The following STXBP4 variants were observed in gnomAD, a reference collection of about 807,000 sequenced individuals.
The protein encoded by STXBP4 is syntaxin binding protein 4, also known as syntaxin-binding protein 4.
In STXBP4, 55 loss-of-function variants were observed where a neutral mutation model predicts 76.1. The ratio of observed to expected loss-of-function variants is 0.72; its 90% confidence interval spans 0.58 to 0.91. The LOEUF is 0.91. Ranked by LOEUF, STXBP4 falls within the 40% of genes least tolerant of loss-of-function variation. STXBP4 has a pLI of 0.00. For synonymous variants in STXBP4, 201 were observed against 220.2 expected (o/e 0.91, Z 0.77); for missense variants, 618 against 636.9 (o/e 0.97, Z 0.32).
At chr17:55,115,695 C>G (rs974169879) in intron 16 of STXBP4, among the ~76,000 whole-genome samples, 3 of 151,794 alleles carry the variant, frequency 2.0e-5, no homozygotes, top group Non-Finnish European at 4.4e-5. Context: ...ATCTGTAACC[C>G]AATCACAGTT....
chr17:55,073,530 T>A (rs957506439), intron 13 of STXBP4, among the ~76,000 whole-genome samples: 2 of 152,154 alleles, frequency 1.3e-5, no homozygotes, highest in African/African-American at 4.8e-5. Flanking sequence ...GAAACTGAGT[T>A]TGAATTTTTT....
intron 16 of STXBP4, among the ~76,000 whole-genome samples, chr17:55,083,738 C>T (rs1446088020): frequency 6.6e-6 from 1 of 152,144 alleles, no homozygotes; most frequent in African/African-American, 2.4e-5. Context: ...AGCATGGTGA[C>T]CTCAAGGTAG....
the STXBP4 span, among the ~76,000 whole-genome samples, chr17:55,208,194 A>G: frequency 6.6e-6 from 1 of 152,014 alleles, no homozygotes; most frequent in East Asian, 1.9e-4. Context: ...TTGGCTTAAA[A>G]AACAAGGAAG....
chr17:55,123,425 T>C (rs556038344), intron 16 of STXBP4, among the ~76,000 whole-genome samples: 1 of 152,196 alleles, frequency 6.6e-6, no homozygotes, highest in Non-Finnish European at 1.5e-5. Flanking sequence ...ACTGGTCAAA[T>C]GAGAGATAAT....
At chr17:55,101,417 C>T (rs2079564087) in intron 16 of STXBP4, among the ~76,000 whole-genome samples, 2 of 152,106 alleles carry the variant, frequency 1.3e-5, no homozygotes, top group African/African-American at 2.4e-5. Context: ...GCCTCCAGAA[C>T]CAAACAGCAG....
At position 55,060,815 on chromosome 17, in the gene STXBP4, C is replaced by T. The variant is rs539691927; in HGVS notation, c.1012-12085C>T. On this transcript the variant is annotated intron_variant, in intron 12 of 17. Transcript: ENST00000376352. ...TTTCACAGGCATGGGCCACTCTTAG[C>T]GACTTCCTTTGATCAACAGCTTTCT... Among the ~76,000 whole-genome samples the T allele has an allele frequency of 3.3e-4, 51 of 152,286 alleles. 1 individual carries two copies. The highest frequency in any genetic ancestry group is 6.8e-3 in the Middle Eastern group (2 of 294).
chr17:55,016,495 CTT>C, intron 8 of STXBP4, among the ~76,000 whole-genome samples: 1 of 152,262 alleles, frequency 6.6e-6, no homozygotes, highest in East Asian at 1.9e-4. Context: ...TTGAGATAGT[CTT>C]TTTGATTCTG....
At chr17:55,092,553 A>G (rs943126895) in intron 16 of STXBP4, among the ~76,000 whole-genome samples, 6 of 152,306 alleles carry the variant, frequency 3.9e-5, no homozygotes, top group African/African-American at 2.4e-5. Context: ...TACTCAACCA[A>G]TTGAAAAATA....
rs1204305193 is a variant in STXBP4, at chr17:55,161,334, C to G, written c.*1423C>G. On this transcript the variant is annotated 3_prime_UTR_variant, in exon 18 of 18. Transcript: ENST00000376352. Reference sequence around the variant, plus strand: ...TGGCTAGGGAAGACTTGTGTTTTGCCTGACAGCCATTTGAATGTTAGGAAG... The same window carrying G: ...TGGCTAGGGAAGACTTGTGTTTTGCGTGACAGCCATTTGAATGTTAGGAAG... 1 of 152,160 alleles carries G rather than the reference C, an allele frequency of 6.6e-6. No homozygotes were observed. Among genetic ancestry groups the G allele is most frequent in the African/African-American group, 2.4e-5 (1 of 41,448 alleles). 9.4% of individuals were successfully genotyped at this position (152,160 alleles called of 1,614,324 possible). A position where few individuals can be genotyped will look rare whatever the true frequency, so the allele number is the denominator to read the frequency against.
At chr17:55,109,907 G>A (rs574075060) in intron 16 of STXBP4, among the ~76,000 whole-genome samples, 4 of 152,092 alleles carry the variant, frequency 2.6e-5, no homozygotes, top group Non-Finnish European at 5.9e-5. Flanking sequence ...TCAAAGTGCT[G>A]GGATTACAGG....
the STXBP4 span, among the ~76,000 whole-genome samples, chr17:55,184,640 T>G: frequency 6.6e-6 from 1 of 152,220 alleles, no homozygotes; most frequent in East Asian, 1.9e-4. Context: ...TAAAGTAATC[T>G]CTAGTCTTCA....
At chr17:55,139,073 G>A (rs2145145236) in intron 16 of STXBP4, among the ~76,000 whole-genome samples, 1 of 152,102 alleles carries the variant, frequency 6.6e-6, no homozygotes, top group East Asian at 1.9e-4. Flanking sequence ...TAATATGCAG[G>A]GATATCTTTA....
chr17:55,102,440 A>T (rs1185217484), intron 16 of STXBP4, among the ~76,000 whole-genome samples: 1 of 152,100 alleles, frequency 6.6e-6, no homozygotes, highest in Non-Finnish European at 1.5e-5. Context: ...TCCATGTCTC[A>T]GCAAAGGGCA....
rs150594535 is a variant in STXBP4, at chr17:55,093,538, TTG to T, written c.1489+12358_1489+12359del. 8.3e-3 allele frequency among the ~76,000 whole-genome samples: 1,258 copies of T among 152,316 alleles called. 17 individuals carry two copies. The highest frequency in any genetic ancestry group is 0.028 in the African/African-American group (1,183 of 41,574). ...GCCAGATAATAACCACAACAAATAT[TTG>T]TGGCATTTTGCCATTCAAGGAAATG... On this transcript the variant is annotated intron_variant, in intron 16 of 17. Coordinates refer to ENST00000376352, the MANE Select transcript of STXBP4 (RefSeq NM_178509.6).
intron 16 of STXBP4, among the ~76,000 whole-genome samples, chr17:55,099,872 T>C (rs2079542984): frequency 6.6e-6 from 1 of 152,176 alleles, no homozygotes; most frequent in Non-Finnish European, 1.5e-5. Context: ...GCTGAGACTT[T>C]CTGATTAAAA....
chr17:55,047,916 G>A (rs2078810982), intron 12 of STXBP4, among the ~76,000 whole-genome samples: 1 of 151,874 alleles, frequency 6.6e-6, no homozygotes, highest in South Asian at 2.1e-4. Flanking sequence ...TGCCTTTACT[G>A]AAACCTGGAA....
chr17:55,198,217 G>A, the STXBP4 span, among the ~76,000 whole-genome samples: 1 of 152,210 alleles, frequency 6.6e-6, no homozygotes, highest in Non-Finnish European at 1.5e-5. Flanking sequence ...ACCAGTCAGA[G>A]ATACTCTTAA....
At chr17:55,032,249 A>C (rs1348310529) in intron 9 of STXBP4, among the ~76,000 whole-genome samples, 5 of 152,188 alleles carry the variant, frequency 3.3e-5, no homozygotes, top group African/African-American at 1.2e-4. Context: ...TATTGCTGAA[A>C]AAAAATTGAC....
chr17:55,026,270 A>G (rs2078412546), intron 8 of STXBP4, among the ~76,000 whole-genome samples: 1 of 152,218 alleles, frequency 6.6e-6, no homozygotes, highest in African/African-American at 2.4e-5. Context: ...ACCCTAAAAG[A>G]AGGATCCATT....
Sources: allele counts gnomAD v4.1 joint callset (sites outside exome capture counted in the v4.1 genomes callset), GRCh38; gene constraint gnomAD v4.1.1; transcripts MANE v1.5; gene names NCBI Gene and HGNC (gene_info 2026-07-23, HGNC 2026-07-21).